WDPCP: variants seen among roughly 807,000 people sequenced by gnomAD.
The protein encoded by WDPCP is WD repeat containing planar cell polarity effector.
A neutral mutation model predicts 93.1 loss-of-function variants in WDPCP; 71 were observed. The ratio of observed to expected loss-of-function variants is 0.76; its 90% CI spans 0.63 to 0.93. The LOEUF is 0.93. Among genes scored for constraint, WDPCP ranks in the 40% least tolerant of loss-of-function variants. WDPCP has a pLI of 0.00. For missense variants in WDPCP, 844 were observed against 887.4 expected (o/e 0.95, Z 0.62); for synonymous variants, 315 against 315.0 (o/e 1.00, Z 0.00).
intron 3 of WDPCP, among the ~76,000 whole-genome samples, chr2:63,630,418 G>A (rs1018658266): frequency 6.6e-6 from 1 of 151,758 alleles, no homozygotes; most frequent in African/African-American, 2.4e-5. Context: ...ATAGAGACAG[G>A]GTTGAAAGTA....
At chr2:63,550,239 A>ACACACACC (rs1269190423) in intron 1 of WDPCP, among the ~76,000 whole-genome samples, 3 of 8,206 alleles carry the variant, frequency 3.7e-4, no homozygotes, top group Non-Finnish European at 5.1e-4. Context: ...ACACACACAC[A>ACACACACC]CCCTTCCTCT....
chr2:63,314,841 C>G (rs1359232112), intron 12 of WDPCP, among the ~76,000 whole-genome samples: 3 of 152,136 alleles, frequency 2.0e-5, no homozygotes, highest in African/African-American at 7.2e-5. Flanking sequence ...GTTAACATGT[C>G]TAACATGTTC....
At chr2:63,756,550 A>G (rs551038768) in intron 2 of WDPCP, among the ~76,000 whole-genome samples, 1 of 152,310 alleles carries the variant, frequency 6.6e-6, no homozygotes, top group South Asian at 2.1e-4. Flanking sequence ...GTGTGGGAGT[A>G]GAATGTACAC....
intron 12 of WDPCP, among the ~76,000 whole-genome samples, chr2:63,336,802 TA>T (rs1688402799): frequency 6.6e-6 from 1 of 151,782 alleles, no homozygotes; most frequent in Non-Finnish European, 1.5e-5. Context: ...CTAATAAATA[TA>T]TTTATATATA....
chr2:63,706,515 T>C (rs1314162431), intron 2 of WDPCP, among the ~76,000 whole-genome samples: 6 of 152,072 alleles, frequency 3.9e-5, no homozygotes, highest in Admixed American at 3.3e-4. Flanking sequence ...TCTCAGCATT[T>C]GCTTGTCTGT....
At chr2:63,178,754 AGTTT>A (rs1674006476) in intron 14 of WDPCP, among the ~76,000 whole-genome samples, 1 of 151,796 alleles carries the variant, frequency 6.6e-6, no homozygotes, top group African/African-American at 2.4e-5. Context: ...CTTTGGGTTT[AGTTT>A]GTTTTTCTTT....
chr2:63,439,698 A>G, intron 7 of WDPCP, 59 bp downstream of exon 7: 1 of 1,459,748 alleles, frequency 6.9e-7, no homozygotes, highest in East Asian at 2.3e-5. Context: ...CTGTTGACAC[A>G]CTATTTCTCC....
intron 2 of WDPCP, among the ~76,000 whole-genome samples, chr2:63,651,376 G>A (rs1710107551): frequency 6.6e-6 from 1 of 152,012 alleles, no homozygotes; most frequent in Non-Finnish European, 1.5e-5. Flanking sequence ...AAGTCACTCT[G>A]GTCTAGAGAT....
intron 12 of WDPCP, among the ~76,000 whole-genome samples, chr2:63,330,686 G>T (rs1687913139): frequency 6.6e-6 from 1 of 151,680 alleles, no homozygotes; most frequent in Non-Finnish European, 1.5e-5. Flanking sequence ...TTACCTCTTT[G>T]TTTACTTCTA....
At chr2:63,306,210 T>C (rs953375215) in intron 13 of WDPCP, among the ~76,000 whole-genome samples, 8 of 152,162 alleles carry the variant, frequency 5.3e-5, no homozygotes, top group African/African-American at 1.7e-4. Flanking sequence ...AATACCTGAA[T>C]AGACCAATAA....
chr2:63,631,576 A>T (rs1446365778), intron 3 of WDPCP, among the ~76,000 whole-genome samples: 1 of 152,152 alleles, frequency 6.6e-6, no homozygotes, highest in African/African-American at 2.4e-5. Context: ...TTAAACAGCT[A>T]TCCAAGGATA....
At chr2:63,498,985 C>A (rs1369411595) in intron 1 of WDPCP, among the ~76,000 whole-genome samples, 2 of 152,126 alleles carry the variant, frequency 1.3e-5, no homozygotes, top group Non-Finnish European at 2.9e-5. Flanking sequence ...TCATTTGTAC[C>A]TCACAGGGCC....
intron 14 of WDPCP, among the ~76,000 whole-genome samples, chr2:63,251,083 A>C (rs1680673534): frequency 6.6e-6 from 1 of 152,206 alleles, no homozygotes; most frequent in African/African-American, 2.4e-5. Context: ...AGAATAAACT[A>C]ACCCCAAAGA....
chr2:63,313,034 C>A (rs1035207959), intron 13 of WDPCP, among the ~76,000 whole-genome samples: 1 of 151,908 alleles, frequency 6.6e-6, no homozygotes, highest in Non-Finnish European at 1.5e-5. Context: ...ACAAAAGATC[C>A]ATTGGAGCCA....
intron 2 of WDPCP, among the ~76,000 whole-genome samples, chr2:63,810,553 A>C (rs1670849254): frequency 6.6e-6 from 1 of 152,214 alleles, no homozygotes; most frequent in Admixed American, 6.5e-5. Flanking sequence ...GTGGGAGTCA[A>C]GTTTCTGAAC....
chr2:63,453,239 A>AT (rs1215165854), intron 6 of WDPCP, among the ~76,000 whole-genome samples: 5 of 152,202 alleles, frequency 3.3e-5, no homozygotes, highest in African/African-American at 1.2e-4. Flanking sequence ...ACTCAAACAA[A>AT]TTTACAAGAA....
At chr2:63,237,298 A>C (rs1352213011) in intron 14 of WDPCP, among the ~76,000 whole-genome samples, 1 of 152,186 alleles carries the variant, frequency 6.6e-6, no homozygotes, top group African/African-American at 2.4e-5. Flanking sequence ...CACACCAACC[A>C]GAATGGCTTT....
At chr2:63,828,094 T>C (rs1483700363), upstream of WDPCP, among the ~76,000 whole-genome samples, 2 of 152,154 alleles carry the variant, frequency 1.3e-5, no homozygotes, top group Non-Finnish European at 2.9e-5. Flanking sequence ...TATGTAACAA[T>C]TGAGAAATCT....
chr2:63,377,399 A>G (rs1194511460), intron 12 of WDPCP, among the ~76,000 whole-genome samples: 1 of 151,542 alleles, frequency 6.6e-6, no homozygotes, highest in African/African-American at 2.4e-5. Context: ...GTTACTTTCC[A>G]TTGTATAACA....
Sources: gnomAD v4.1 joint callset for allele counts (sites outside exome capture counted in the v4.1 genomes callset) on GRCh38, gnomAD v4.1.1 for gene constraint, MANE v1.5 for transcripts, NCBI Gene and HGNC (gene_info 2026-07-23, HGNC 2026-07-21) for gene names.